The following PAK5 variants were observed in gnomAD, a reference collection of about 807,000 sequenced individuals.
PAK5 encodes p21 (RAC1) activated kinase 5.
Under a neutral mutation model 65.9 loss-of-function variants are expected in PAK5, and 16 were observed. The ratio of observed to expected loss-of-function variants is 0.24; its 90% CI spans 0.16 to 0.37. PAK5 has a LOEUF of 0.37. Among genes scored for constraint, PAK5 ranks in the 10% least tolerant of loss-of-function variants. The pLI is 1.00. For synonymous variants in PAK5, 371 were observed against 354.9 expected (o/e 1.05, Z -0.51); for missense variants, 785 against 903.9 (o/e 0.87, Z 1.69).
chr20:9,825,634 A>G (rs1430804333), intron 1 of PAK5, among the ~76,000 whole-genome samples: 1 of 152,214 alleles, frequency 6.6e-6, no homozygotes, highest in Non-Finnish European at 1.5e-5. Flanking sequence ...GTGTTGAAAG[A>G]AATTTTGAAA....
chr20:9,734,969 G>T (rs944061718), intron 1 of PAK5, among the ~76,000 whole-genome samples: 4 of 152,150 alleles, frequency 2.6e-5, no homozygotes, highest in African/African-American at 7.2e-5. Context: ...CTTGAGGAAA[G>T]TATACAGAAT....
chr20:9,661,240 A>T (rs958804256), intron 2 of PAK5, among the ~76,000 whole-genome samples: 1 of 152,108 alleles, frequency 6.6e-6, no homozygotes, highest in African/African-American at 2.4e-5. Context: ...ATTTTCCTAG[A>T]CCACGCTGGG....
chr20:9,775,533 T>C (rs1569083494), intron 1 of PAK5, among the ~76,000 whole-genome samples: 1 of 152,186 alleles, frequency 6.6e-6, no homozygotes, highest in Non-Finnish European at 1.5e-5. Context: ...ATTATCACAG[T>C]TTTATTTTTT....
At chr20:9,813,517 C>T (rs2049321745) in intron 1 of PAK5, among the ~76,000 whole-genome samples, 1 of 152,048 alleles carries the variant, frequency 6.6e-6, no homozygotes, top group African/African-American at 2.4e-5. Context: ...AATTAATTCA[C>T]ATGATGTTCA....
rs373206570 is a variant in PAK5 at position 9,542,255 on chromosome 20, C to T, written c.2004+331G>A. On this transcript the variant is annotated intron_variant, in intron 9 of 9. Transcript: ENST00000353224. ...AGCTGGGGTCATGCACGGTGACATCCCAAGCTATTAGATGTCCCCAGCATG... is the reference window on the plus strand; with the variant it reads ...AGCTGGGGTCATGCACGGTGACATCTCAAGCTATTAGATGTCCCCAGCATG... Among the ~76,000 whole-genome samples the T allele has an allele frequency of 3.3e-5, 5 of 152,228 alleles. No homozygotes were observed. In the East Asian group the frequency reaches 7.7e-4, roughly 24 times the overall value.
At chr20:9,674,208 G>C (rs948461420) in intron 2 of PAK5, among the ~76,000 whole-genome samples, 1 of 152,030 alleles carries the variant, frequency 6.6e-6, no homozygotes, top group Non-Finnish European at 1.5e-5. Flanking sequence ...CTTCTACTGT[G>C]GCCTATTTTT....
At position 9,542,457 on chromosome 20, in the gene PAK5, T is replaced by A. The variant is rs545456106; in HGVS notation, c.2004+129A>T. 6.3e-5 allele frequency: 58 copies of A among 920,776 alleles called. No individual in the cohort carries two copies. In the African/African-American group the frequency reaches 8.4e-4, roughly 13 times the overall value. 57.0% of individuals were successfully genotyped at this position (920,776 alleles called of 1,614,324 possible). A position where few individuals can be genotyped will look rare whatever the true frequency, so the allele number is the denominator to read the frequency against. ...GAACAGAGATTCAAACCTAAGTGACTATTTCCAAAGTCCATGCTCATAAAC... is the reference window on the plus strand; with the variant it reads ...GAACAGAGATTCAAACCTAAGTGACAATTTCCAAAGTCCATGCTCATAAAC... On this transcript the variant is annotated intron_variant, in intron 9 of 9. Coordinates refer to ENST00000353224, the MANE Select transcript of PAK5 (RefSeq NM_177990.4).
intron 1 of PAK5, among the ~76,000 whole-genome samples, chr20:9,810,816 G>A (rs937827993): frequency 1.3e-5 from 2 of 152,112 alleles, no homozygotes; most frequent in Non-Finnish European, 2.9e-5. Flanking sequence ...GACTTGCAAA[G>A]TTAAGTTTCA....
chr20:9,744,960 G>A (rs1232418304), intron 1 of PAK5, among the ~76,000 whole-genome samples: 2 of 152,140 alleles, frequency 1.3e-5, no homozygotes, highest in African/African-American at 4.8e-5. Flanking sequence ...GGTATAAACT[G>A]CTGAAAAAAT....
intron 1 of PAK5, among the ~76,000 whole-genome samples, chr20:9,760,967 A>G (rs1403752296): frequency 2.0e-5 from 3 of 152,140 alleles, no homozygotes; most frequent in Non-Finnish European, 4.4e-5. Flanking sequence ...TCACAAAATT[A>G]CAGGGCCTGT....
intron 7 of PAK5, among the ~76,000 whole-genome samples, chr20:9,556,624 C>G (rs1403936077): frequency 6.6e-6 from 1 of 152,214 alleles, no homozygotes; most frequent in African/African-American, 2.4e-5. Context: ...TTCCATTTAA[C>G]TAAGCCTTCC....
Position 9,559,740 on chromosome 20 carries a change from C to T in PAK5, c.1617-2006G>A, listed in dbSNP as rs745647942. ...ATAGCGCCTCTGCATTCCAGCTAGG[C>T]GACAGAGTGAGGCTCTGTTTCAAAA... is the stretch of plus-strand genomic sequence containing the variant. On this transcript the variant is annotated intron_variant, in intron 6 of 9. Transcript: ENST00000353224. Among the ~76,000 whole-genome samples the T allele has an allele frequency of 1.3e-4, 20 of 151,860 alleles. No individual in the cohort carries two copies. The South Asian group carries it at 1.7e-3, about 13-fold the overall frequency.
chr20:9,584,728 C>T (rs755289835), intron 3 of PAK5, among the ~76,000 whole-genome samples: 28 of 152,240 alleles, frequency 1.8e-4, no homozygotes, highest in Non-Finnish European at 3.4e-4. Context: ...ATGTCTTGCA[C>T]TGTTTTTTAA....
At chr20:9,792,889 T>A (rs1217655706) in intron 1 of PAK5, among the ~76,000 whole-genome samples, 1 of 152,114 alleles carries the variant, frequency 6.6e-6, no homozygotes, top group Non-Finnish European at 1.5e-5. Flanking sequence ...AATCAAACGT[T>A]CTGGCAGAAA....
chr20:9,573,616 G>T (rs912307110), intron 4 of PAK5, among the ~76,000 whole-genome samples: 5 of 152,168 alleles, frequency 3.3e-5, no homozygotes, highest in African/African-American at 1.2e-4. Flanking sequence ...GCCAAGTCTT[G>T]GGGGGAAGAA....
intron 2 of PAK5, among the ~76,000 whole-genome samples, chr20:9,672,456 G>A (rs558518736): frequency 6.6e-6 from 1 of 151,234 alleles, no homozygotes; most frequent in East Asian, 2.0e-4. Context: ...GAACCATGGG[G>A]GTGGGTCTTT....
chr20:9,661,517 C>T (rs1196975534), intron 2 of PAK5, among the ~76,000 whole-genome samples: 1 of 152,160 alleles, frequency 6.6e-6, no homozygotes, highest in Non-Finnish European at 1.5e-5. Flanking sequence ...GAATTGTCTC[C>T]AATGACTATG....
At chr20:9,729,109 C>A (rs957131566) in intron 1 of PAK5, among the ~76,000 whole-genome samples, 3 of 151,926 alleles carry the variant, frequency 2.0e-5, no homozygotes, top group African/African-American at 7.3e-5. Flanking sequence ...GTGGTGGGCA[C>A]CTGTAGTCCC....
intron 1 of PAK5, among the ~76,000 whole-genome samples, chr20:9,738,220 T>C (rs1356906747): frequency 6.6e-6 from 1 of 151,664 alleles, no homozygotes; most frequent in Non-Finnish European, 1.5e-5. Context: ...TCGGTGGGAA[T>C]GGAAAATTGT....
Sources: gnomAD v4.1 joint callset for allele counts (sites outside exome capture counted in the v4.1 genomes callset) on GRCh38, gnomAD v4.1.1 for gene constraint, MANE v1.5 for transcripts, NCBI Gene and HGNC (gene_info 2026-07-23, HGNC 2026-07-21) for gene names.